Variants in USP33 observed in about 807,000 individuals in gnomAD.
USP33 encodes ubiquitin specific peptidase 33.
A neutral mutation model predicts 124.2 loss-of-function variants in USP33; 46 were observed. The ratio of observed to expected loss-of-function variants is 0.37; its 90% confidence interval spans 0.29 to 0.47. The LOEUF is 0.47. Ranked by LOEUF, USP33 falls within the 20% of genes least tolerant of loss-of-function variation. The pLI is 0.99. For synonymous variants in USP33, 350 were observed against 352.3 expected, an observed-to-expected ratio of 0.99 and a Z score of 0.07; for missense variants, 851 against 1,070.6, an observed-to-expected ratio of 0.79 and a Z score of 2.86.
At chr1:77,732,109 TAAAAA>T (rs77932938) in intron 7 of USP33, among the ~76,000 whole-genome samples, 1 of 129,002 alleles carries the variant, frequency 7.8e-6, no homozygotes, top group Non-Finnish European at 1.7e-5. Flanking sequence ...GTCTCTAACT[TAAAAA>T]AAAAAAAAAA....
intron 7 of USP33, 55 bp downstream of exon 7, chr1:77,734,292 C>A: frequency 2.2e-6 from 3 of 1,382,912 alleles, no homozygotes; most frequent in South Asian, 2.6e-5. Context: ...GTTTTCTGCT[C>A]AAAAAATAAC....
chr1:77,754,050 T>C (rs986628291), intron 1 of USP33, among the ~76,000 whole-genome samples: 6 of 152,136 alleles, frequency 3.9e-5, no homozygotes, highest in Non-Finnish European at 7.4e-5. Flanking sequence ...CAGAACAGCA[T>C]ATTCAATCAA....
Position 77,711,846 on chromosome 1 carries a change from T to A in USP33, c.2307A>T (p.Gly769=), listed in dbSNP as rs373615569. Residue 769 remains glycine, a synonymous_variant, in exon 21 of 24, where the codon GGA becomes GGT. Coordinates refer to ENST00000370794, the MANE Select transcript of USP33 (RefSeq NM_201624.3). ...IWDNLYSRYG[G]GPAVNHLYIC... Reference sequence around the variant, plus strand: ...TGTACAGATGGTTGACAGCTGGTCCTCCACCATACCTAAAGCATGAAAAAT... The same window carrying A: ...TGTACAGATGGTTGACAGCTGGTCCACCACCATACCTAAAGCATGAAAAAT... 1 of 1,598,950 alleles carries A rather than the reference T, an allele frequency of 6.3e-7. No individual in the cohort carries two copies. Among genetic ancestry groups the A allele is most frequent in the Non-Finnish European group, 8.5e-7 (1 of 1,176,064 alleles).
chr1:77,748,153 T>G (rs1679922921), intron 1 of USP33, among the ~76,000 whole-genome samples: 1 of 152,068 alleles, frequency 6.6e-6, no homozygotes, highest in Non-Finnish European at 1.5e-5. Flanking sequence ...GGAGGAGTTT[T>G]AGTTCTTATT....
At chr1:77,717,368 T>TAGTCC (rs1676040768) in intron 17 of USP33, among the ~76,000 whole-genome samples, 2 of 151,796 alleles carry the variant, frequency 1.3e-5, no homozygotes, top group African/African-American at 4.8e-5. Flanking sequence ...CAGGCGCCTG[T>TAGTCC]AGTCCCAGCT....
At position 77,740,813 on chromosome 1, in the gene USP33, G is replaced by A. The variant is rs41292272; in HGVS notation, c.198+64C>T. 4.2e-3 allele frequency: 4,680 copies of A among 1,114,058 alleles called. 21 individuals carry two copies. The highest frequency in any genetic ancestry group is 6.5e-3 in the South Asian group (467 of 71,370). The allele number at this position is 1,114,058 out of a possible 1,614,324, so 69.0% of individuals were successfully genotyped here. A position where few individuals can be genotyped will look rare whatever the true frequency, so the allele number is the denominator to read the frequency against. ...CAACTTGAATTAATAATGTTATACT[G>A]GCTTTCCCTTTCCTTCAGGCACTTT... is the stretch of plus-strand genomic sequence containing the variant. On this transcript the variant is annotated intron_variant, in intron 4 of 23. Transcript: ENST00000370794.
intron 8 of USP33, 21 bp from the exon 9 acceptor site, chr1:77,729,959 A>G: frequency 6.3e-7 from 1 of 1,581,468 alleles, no homozygotes; most frequent in East Asian, 2.2e-5. Flanking sequence ...AAACATTTTT[A>G]AAGAGCAATT....
At chr1:77,701,226 A>G (rs1673978978) in intron 22 of USP33, 143 bp downstream of exon 22, 1 of 571,302 alleles carries the variant, frequency 1.8e-6, no homozygotes, top group South Asian at 2.9e-5. Flanking sequence ...AATATAAACT[A>G]GAACGTAAGA....
chr1:77,711,747 C>T lies in USP33; in HGVS notation c.2406G>A (p.Arg802=), dbSNP rs530848608. 6.2e-7 allele frequency: 1 copy of T among 1,601,190 alleles called. No individual in the cohort carries two copies. The highest frequency in any genetic ancestry group is 1.1e-5 in the South Asian group (1 of 88,270). Residue 802 remains arginine, a splice_region_variant and synonymous_variant, in exon 21 of 24, where the codon CGG becomes CGA. Coordinates refer to ENST00000370794, the MANE Select transcript of USP33 (RefSeq NM_201624.3). ...AATTTGAAAAGCATCACTTTTTTAC[C>T]CGAATAAAAATTTCCAATTCAGTTT... ...RRKTELEIFI[R]LNRAFQKEDS...
intron 22 of USP33, among the ~76,000 whole-genome samples, chr1:77,699,230 C>G (rs1242691104): frequency 6.6e-6 from 1 of 152,040 alleles, no homozygotes; most frequent in African/African-American, 2.4e-5. Context: ...ATTAAAAAGT[C>G]AAGAAACAGG....
intron 5 of USP33, among the ~76,000 whole-genome samples, chr1:77,738,432 G>GCAAA (rs1288295086): frequency 6.6e-6 from 1 of 151,842 alleles, no homozygotes. Context: ...AATTCTGCAA[G>GCAAA]CAAACCCATG....
At chr1:77,726,885 T>G (rs1365532169) in intron 10 of USP33, among the ~76,000 whole-genome samples, 2 of 152,164 alleles carry the variant, frequency 1.3e-5, no homozygotes, top group Admixed American at 1.3e-4. Flanking sequence ...CTACCTTGAT[T>G]GTTTGCTTTG....
At chr1:77,728,885 AAAAAGTTATGTAAAT>A (rs1207217301) in intron 9 of USP33, among the ~76,000 whole-genome samples, 173 bp from the exon 10 acceptor site, 2 of 152,164 alleles carry the variant, frequency 1.3e-5, no homozygotes, top group African/African-American at 4.8e-5. Flanking sequence ...ATTAACTTCC[AAAAAGTTATGTAAAT>A]AAAAGTTTTC....
intron 1 of USP33, among the ~76,000 whole-genome samples, chr1:77,754,945 A>T (rs1397246024): frequency 2.0e-5 from 3 of 152,258 alleles, no homozygotes; most frequent in Non-Finnish European, 4.4e-5. Flanking sequence ...AAAGATTTTT[A>T]AAAATCTGTC....
chr1:77,717,744 A>C (rs1676089109), intron 17 of USP33, 123 bp downstream of exon 17: 1 of 836,570 alleles, frequency 1.2e-6, no homozygotes, highest in Admixed American at 3.6e-5. Context: ...TCCTGGCTTT[A>C]ATTAAGTGAT....
intron 5 of USP33, among the ~76,000 whole-genome samples, chr1:77,738,666 G>C (rs961518397): frequency 2.6e-5 from 4 of 151,998 alleles, no homozygotes; most frequent in African/African-American, 9.7e-5. Context: ...ATTTTTAGTA[G>C]AGACGGGGTG....
chr1:77,722,106 T>C lies in USP33; in HGVS notation c.1480A>G (p.Thr494Ala), dbSNP rs749936895. 8 of 1,613,912 alleles carry C rather than the reference T, an allele frequency of 5.0e-6. No homozygotes were observed. Among genetic ancestry groups the C allele is most frequent in the African/African-American group, 1.3e-5 (1 of 74,910 alleles). ...CATGATCCTGCTTTGACTATAGAAG[T>C]TGGATGACTTGATGAATGCAGCTTA... ...LAKLHSSSHP[T>A]SIVKAGSCGE... The change falls in exon 13 of 24, where the codon ACT becomes GCT. Residue 494 changes from threonine to alanine, a missense_variant. Physicochemically the swap from Thr to Ala is moderately conservative, Grantham distance 58 (BLOSUM62 0). Transcript: ENST00000370794.
intron 19 of USP33, among the ~76,000 whole-genome samples, chr1:77,713,736 G>C (rs2101290116): frequency 6.6e-6 from 1 of 152,018 alleles, no homozygotes; most frequent in East Asian, 1.9e-4. Context: ...ACCCAGGCTG[G>C]AGTGCAGCAG....
intron 1 of USP33, among the ~76,000 whole-genome samples, chr1:77,756,926 TTCATGTGGATCACATACCTC>T (rs1680851164): frequency 1.3e-5 from 2 of 152,224 alleles, no homozygotes; most frequent in Admixed American, 1.3e-4. Flanking sequence ...TCATTTTCCT[TTCATGTGGATCACATACCTC>T]TTCTGATCAA....
Sources: gnomAD v4.1 joint callset for allele counts (sites outside exome capture counted in the v4.1 genomes callset) on GRCh38, gnomAD v4.1.1 for gene constraint, MANE v1.5 for transcripts, NCBI Gene and HGNC (gene_info 2026-07-23, HGNC 2026-07-21) for gene names.